PTPRM: variants seen among roughly 807,000 people sequenced by gnomAD.
PTPRM encodes the protein protein tyrosine phosphatase receptor type M.
Under a neutral mutation model 186.7 loss-of-function variants are expected in PTPRM, and 47 were observed. The ratio of observed to expected loss-of-function variants is 0.25; its 90% CI spans 0.20 to 0.32. PTPRM has a LOEUF of 0.32. Ranked by LOEUF, PTPRM falls within the 10% of genes least tolerant of loss-of-function variation. The probability of loss-of-function intolerance (pLI) is 1.00; values close to 1 mark genes in which losing one functional copy is unlikely to be tolerated. For synonymous variants in PTPRM, 668 were observed against 674.9 expected, an observed-to-expected ratio of 0.99 and a Z score of 0.16; for missense variants, 1,494 against 1,865.0, an observed-to-expected ratio of 0.80 and a Z score of 3.66.
At chr18:7,763,832 G>A (rs904019182) in intron 1 of PTPRM, among the ~76,000 whole-genome samples, 2 of 152,086 alleles carry the variant, frequency 1.3e-5, no homozygotes, top group African/African-American at 2.4e-5. Flanking sequence ...CTGCATATTG[G>A]TGAGTTCAGG....
At chr18:7,634,171 T>C (rs968712521) in intron 1 of PTPRM, among the ~76,000 whole-genome samples, 5 of 152,184 alleles carry the variant, frequency 3.3e-5, no homozygotes, top group Middle Eastern at 3.2e-3. Flanking sequence ...TTTTTCTTGT[T>C]GCTGTTTTTG....
chr18:7,586,158 TA>T (rs1323969936), intron 1 of PTPRM, among the ~76,000 whole-genome samples: 1 of 152,184 alleles, frequency 6.6e-6, no homozygotes, highest in Non-Finnish European at 1.5e-5. Flanking sequence ...TTTCAGCCAC[TA>T]ACCTACAGTT....
rs1458527546 is a variant in PTPRM at position 8,168,393 on chromosome 18, G to T, written c.2300+24614G>T. Among the ~76,000 whole-genome samples, 3 of 152,118 alleles carry T rather than the reference G, an allele frequency of 2.0e-5. No individual in the cohort carries two copies. In the East Asian group the frequency reaches 5.8e-4, roughly 29 times the overall value. On this transcript the variant is annotated intron_variant, in intron 14 of 32. Transcript: ENST00000580170. ...ATCGTTTGTAATTGTTACAAAATAT[G>T]CTTTGAAATATCATCATAAATATGT... is the stretch of plus-strand genomic sequence containing the variant.
intron 14 of PTPRM, among the ~76,000 whole-genome samples, chr18:8,174,491 T>C (rs916555275): frequency 2.6e-5 from 4 of 152,158 alleles, no homozygotes; most frequent in African/African-American, 9.7e-5. Flanking sequence ...AATGTAAGAA[T>C]TGTAATATAT....
intron 19 of PTPRM, among the ~76,000 whole-genome samples, chr18:8,260,609 C>T (rs1156554505): frequency 1.3e-5 from 2 of 152,220 alleles, no homozygotes; most frequent in Admixed American, 6.5e-5. Context: ...TCTCCCAACA[C>T]TGCCACACCA....
chr18:8,289,563 CATAT>C (rs72435328), intron 19 of PTPRM, among the ~76,000 whole-genome samples: 37 of 106,220 alleles, frequency 3.5e-4, no homozygotes, highest in African/African-American at 9.5e-4. Flanking sequence ...TATATATACA[CATAT>C]ATATATATAC....
chr18:7,608,733 G>A (rs1003011336), intron 1 of PTPRM, among the ~76,000 whole-genome samples: 4 of 152,172 alleles, frequency 2.6e-5, no homozygotes, highest in Non-Finnish European at 4.4e-5. Flanking sequence ...GGAGATGACC[G>A]GTGACAACCA....
chr18:8,253,239 C>T lies in PTPRM; in HGVS notation c.2579C>T (p.Thr860Ile), dbSNP rs1459804585. Residue 860 changes from threonine to isoleucine, a missense_variant, in exon 19 of 33, where the codon ACA (threonine) becomes ATA (isoleucine). Thr to Ile is a moderately conservative substitution (Grantham distance 89). This residue lies in a region of PTPRM where 1,107 missense variants were observed against 1,350.2 expected (regional missense o/e 0.82). Transcript: ENST00000580170. ...CTTCTTTTCCTAGATGAAACCCACA[C>T]AATGGCCAGCGATACCAGCAGCCTG... ...ILVPINDETHTMASDTSSLVQ... is the reference protein window; with the variant it reads ...ILVPINDETHIMASDTSSLVQ... 2.6e-6 allele frequency: 4 copies of T among 1,514,544 alleles called. No individual in the cohort carries two copies. Among genetic ancestry groups the T allele is most frequent in the East Asian group, 2.6e-5 (1 of 39,176 alleles). 93.8% of individuals were successfully genotyped at this position (1,514,544 alleles called of 1,614,324 possible). A position where few individuals can be genotyped will look rare whatever the true frequency, so the allele number is the denominator to read the frequency against.
At chr18:8,388,948 G>A (rs1353304859) in intron 31 of PTPRM, among the ~76,000 whole-genome samples, 1 of 151,850 alleles carries the variant, frequency 6.6e-6, no homozygotes, top group Non-Finnish European at 1.5e-5. Flanking sequence ...GGGACAGAGC[G>A]AGACTCCATC....
At chr18:7,692,411 G>T (rs1006097110) in intron 1 of PTPRM, among the ~76,000 whole-genome samples, 3 of 152,062 alleles carry the variant, frequency 2.0e-5, no homozygotes, top group Non-Finnish European at 1.5e-5. Context: ...GATCCCAGGA[G>T]GTTAAGGCTA....
chr18:7,925,791 A>G (rs948300249), intron 4 of PTPRM, among the ~76,000 whole-genome samples: 10 of 152,370 alleles, frequency 6.6e-5, no homozygotes, highest in Admixed American at 5.9e-4. Flanking sequence ...CATAAAATTT[A>G]AGTCCTGACT....
At chr18:7,592,691 G>A (rs993806014) in intron 1 of PTPRM, among the ~76,000 whole-genome samples, 3 of 152,198 alleles carry the variant, frequency 2.0e-5, no homozygotes, top group African/African-American at 7.2e-5. Flanking sequence ...TCCTAGAATT[G>A]GGAGGGTAAA....
intron 20 of PTPRM, among the ~76,000 whole-genome samples, chr18:8,299,664 T>G: frequency 6.6e-6 from 1 of 151,748 alleles, no homozygotes; most frequent in Non-Finnish European, 1.5e-5. Flanking sequence ...GTGCAGGGGG[T>G]TGGCAAACTT....
intron 2 of PTPRM, among the ~76,000 whole-genome samples, chr18:7,777,769 T>C (rs1276065532): frequency 2.0e-5 from 3 of 152,212 alleles, no homozygotes; most frequent in Admixed American, 6.5e-5. Context: ...TTAAATTTGC[T>C]ATCTCTTGAA....
chr18:7,974,137 C>G (rs1180228510), intron 7 of PTPRM, among the ~76,000 whole-genome samples: 1 of 152,116 alleles, frequency 6.6e-6, no homozygotes, highest in East Asian at 1.9e-4. Flanking sequence ...GGGAAACCAG[C>G]TAAAAAGGCA....
chr18:7,753,929 C>A (rs945083586), intron 1 of PTPRM, among the ~76,000 whole-genome samples: 2 of 152,064 alleles, frequency 1.3e-5, no homozygotes, highest in Non-Finnish European at 2.9e-5. Flanking sequence ...CCTTTTCCCC[C>A]CTTCTCCACT....
At chr18:8,056,043 A>G (rs1355701567) in intron 7 of PTPRM, among the ~76,000 whole-genome samples, 1 of 152,170 alleles carries the variant, frequency 6.6e-6, no homozygotes, top group Non-Finnish European at 1.5e-5. Flanking sequence ...GTTGTTTTCA[A>G]ATGGGAGAGT....
At chr18:8,248,249 T>C (rs2094496033) in intron 17 of PTPRM, 73 bp downstream of exon 17, 15 of 1,357,412 alleles carry the variant, frequency 1.1e-5, no homozygotes, top group Admixed American at 1.7e-5. Context: ...CTGTAGGAGA[T>C]TGGAGTTTTA....
chr18:8,041,407 G>T (rs1479988765), intron 7 of PTPRM, among the ~76,000 whole-genome samples: 2 of 151,752 alleles, frequency 1.3e-5, no homozygotes, highest in Non-Finnish European at 2.9e-5. Context: ...GTTAATTAAG[G>T]CATCATTAAA....
Sources: gnomAD v4.1 joint callset for allele counts (sites outside exome capture counted in the v4.1 genomes callset) on GRCh38, gnomAD v4.1.1 for gene constraint, gnomAD v4.1.1 regional missense constraint, MANE v1.5 for transcripts, NCBI Gene and HGNC (gene_info 2026-07-23, HGNC 2026-07-21) for gene names.